Variants in TTC34 observed in about 807,000 individuals in gnomAD.
TTC34 encodes the protein tetratricopeptide repeat domain 34, also known as tetratricopeptide repeat protein 34.
In TTC34, 44 loss-of-function variants were observed where a neutral mutation model predicts 40.7. The ratio of observed to expected loss-of-function variants is 1.08; its 90% CI spans 0.85 to 1.39. The LOEUF (loss-of-function observed/expected upper bound fraction) is 1.39, where lower values mean the gene tolerates loss of function less well. Ranked by LOEUF, TTC34 falls within the 40% of genes most tolerant of loss-of-function variation. TTC34 has a pLI of 0.00. For missense variants in TTC34, 884 were observed against 838.0 expected (o/e 1.05, Z -0.68); for synonymous variants, 422 against 398.6 (o/e 1.06, Z -0.70).
intron 4 of TTC34, among the ~76,000 whole-genome samples, chr1:2,786,370 T>C (rs1643589297): frequency 6.6e-6 from 1 of 152,202 alleles, no homozygotes; most frequent in Non-Finnish European, 1.5e-5. Flanking sequence ...ATGTGGCCAT[T>C]TGAGCCTTTG....
At chr1:2,791,297 T>G (rs1643661085) in intron 2 of TTC34, among the ~76,000 whole-genome samples, 2 of 152,220 alleles carry the variant, frequency 1.3e-5, no homozygotes, top group Non-Finnish European at 2.9e-5. Context: ...TCATGGCCCT[T>G]ATTTTCACAG....
chr1:2,777,232 T>G (rs1410346997), intron 6 of TTC34, among the ~76,000 whole-genome samples: 412 of 44,208 alleles, frequency 9.3e-3, no homozygotes, highest in Middle Eastern at 0.075. Flanking sequence ...GCATCTGACA[T>G]CCTGGAACAG....
At chr1:2,785,290 A>C in intron 5 of TTC34, among the ~76,000 whole-genome samples, 1 of 87,528 alleles carries the variant, frequency 1.1e-5, no homozygotes, top group South Asian at 4.4e-4. Flanking sequence ...AGGCTCTCAC[A>C]CTCCCTGTAC....
At chr1:2,749,376 C>CAT (rs1641243155) in intron 6 of TTC34, among the ~76,000 whole-genome samples, 2 of 7,176 alleles carry the variant, frequency 2.8e-4, no homozygotes, top group African/African-American at 2.2e-3. Context: ...CAGGTGAGAC[C>CAT]CTGACAGCCT....
intron 6 of TTC34, among the ~76,000 whole-genome samples, chr1:2,692,464 C>A (rs375136991): frequency 2.5e-5 from 3 of 118,604 alleles, no homozygotes; most frequent in Non-Finnish European, 5.5e-5. Flanking sequence ...GCACCCACAC[C>A]CCCAGGTGAG....
In TTC34 at chr1:2,645,587, G is replaced by GGGGCCCC; in HGVS notation, c.2227-25_2227-24insGGGGCCC. 1 of 229,524 alleles carries GGGGCCCC rather than the reference G, an allele frequency of 4.4e-6. No individual in the cohort carries two copies. Among genetic ancestry groups the GGGGCCCC allele is most frequent in the Non-Finnish European group, 8.6e-6 (1 of 116,448 alleles). The allele number at this position is 229,524 out of a possible 1,614,324, so 14.2% of individuals were successfully genotyped here. A position where few individuals can be genotyped will look rare whatever the true frequency, so the allele number is the denominator to read the frequency against. On this transcript the variant is annotated intron_variant, in intron 6 of 8. Coordinates refer to ENST00000401095, the Ensembl canonical transcript of TTC34. This position sits in a 1 kb window ranked among gnomAD's most constrained non-coding sequence, Gnocchi z 4.7. Reference sequence around the variant, plus strand: ...TCCTGCAAGGAGGGAGGGCGGGCGGGTGCAGAGTTGTCCTAAGTAGAGAAA... The same window carrying GGGGCCCC: ...TCCTGCAAGGAGGGAGGGCGGGCGGGGGGCCCCTGCAGAGTTGTCCTAAGTAGAGAAA...
At position 2,656,390 on chromosome 1, in the gene TTC34, C is replaced by G. The variant is rs1219298859; in HGVS notation, c.2227-10827G>C. The stretch of plus-strand genomic sequence containing the variant: ...AGCACCCACACCCACAGGTGAGCAT[C>G]TGACAGCATGTAACAGCACCCACAC... On this transcript the variant is annotated intron_variant, in intron 6 of 8. Transcript: ENST00000401095. Among the ~76,000 whole-genome samples the G allele has an allele frequency of 3.5e-3, 188 of 53,940 alleles. 49 individuals are homozygous for G. Among genetic ancestry groups the G allele is most frequent in the South Asian group, 5.2e-3 (5 of 954 alleles). 35.4% of individuals were successfully genotyped at this position (53,940 alleles called of 152,430 possible). A position where few individuals can be genotyped will look rare whatever the true frequency, so the allele number is the denominator to read the frequency against.
chr1:2,789,678 C>T (rs1643639558), exon 3 of TTC34: 1 of 1,283,924 alleles, frequency 7.8e-7, no homozygotes, highest in Non-Finnish European at 1.0e-6. Flanking sequence ...AGCGCCTCCT[C>T]GGGCCGCAGC....
At chr1:2,687,428 C>G (rs1249089365) in intron 6 of TTC34, among the ~76,000 whole-genome samples, 2 of 146,088 alleles carry the variant, frequency 1.4e-5, no homozygotes, top group Non-Finnish European at 3.0e-5. Context: ...ATCTGATGGT[C>G]TGGAGCAGCA....
At chr1:2,657,363 T>A (rs4648690) in intron 6 of TTC34, among the ~76,000 whole-genome samples, 5 of 61,320 alleles carry the variant, frequency 8.2e-5, no homozygotes, top group East Asian at 4.2e-4. Context: ...ATCTGACAAC[T>A]TGGAGCAGCA....
intron 6 of TTC34, among the ~76,000 whole-genome samples, chr1:2,653,991 T>G: frequency 5.2e-5 from 1 of 19,062 alleles, no homozygotes. Context: ...CATCGGAGAG[T>G]CTGGAGCAGT....
intron 6 of TTC34, among the ~76,000 whole-genome samples, chr1:2,676,883 C>T (rs1315836078): frequency 1.8e-5 from 2 of 110,274 alleles, no homozygotes; most frequent in African/African-American, 3.4e-5. Context: ...AGCCGCACCC[C>T]ACACCCACAG....
Position 2,641,900 on chromosome 1 carries a change from A to C in TTC34, c.2713-5T>G. 1 of 1,461,058 alleles carries C rather than the reference A, an allele frequency of 6.8e-7. No homozygotes were observed. Among genetic ancestry groups the C allele is most frequent in the Non-Finnish European group, 9.0e-7 (1 of 1,109,262 alleles). 90.5% of individuals were successfully genotyped at this position (1,461,058 alleles called of 1,614,324 possible). Reference sequence around the variant, plus strand: ...GCCGGCTTCCTGGGCCGCCGCCTGCACAGAGGACACAGAGAGAGGCAGGGA... The same window carrying C: ...GCCGGCTTCCTGGGCCGCCGCCTGCCCAGAGGACACAGAGAGAGGCAGGGA... On this transcript the variant is annotated splice_region_variant and splice_polypyrimidine_tract_variant and intron_variant, in intron 8 of 8. Coordinates refer to ENST00000401095, the Ensembl canonical transcript of TTC34.
At chr1:2,641,634 C>T (rs531267762) in exon 9 of TTC34, 11 of 1,535,116 alleles carry the variant, frequency 7.2e-6, no homozygotes, top group Non-Finnish European at 9.6e-6. Context: ...GCCGCCTCAT[C>T]CCCCAGGCTC....
intron 6 of TTC34, among the ~76,000 whole-genome samples, chr1:2,699,264 T>G (rs1319639348): frequency 2.0e-5 from 3 of 147,742 alleles, no homozygotes; most frequent in African/African-American, 7.5e-5. Flanking sequence ...AAGGCGAGCA[T>G]CTGAAGTCAT....
chr1:2,682,044 C>G (rs868458757), intron 6 of TTC34, among the ~76,000 whole-genome samples: 6 of 85,062 alleles, frequency 7.1e-5, no homozygotes, highest in Non-Finnish European at 7.2e-5. Context: ...GAGCATCTGA[C>G]ATTGTGGAGC....
At position 2,641,928 on chromosome 1, in the gene TTC34, G is replaced by C. The variant is rs1243830199; in HGVS notation, c.2713-33C>G. On this transcript the variant is annotated intron_variant, in intron 8 of 8. Coordinates refer to ENST00000401095, the Ensembl canonical transcript of TTC34. The stretch of plus-strand genomic sequence containing the variant: ...GAGGACACAGAGAGAGGCAGGGAGA[G>C]TGGGGTCAGCCCCAAAAGCCCGGCC... 14 of 1,441,594 alleles carry C rather than the reference G, an allele frequency of 9.7e-6. No homozygotes were observed. In the East Asian group the frequency reaches 3.0e-4, roughly 31 times the overall value. 89.3% of individuals were successfully genotyped at this position (1,441,594 alleles called of 1,614,324 possible). A position where few individuals can be genotyped will look rare whatever the true frequency, so the allele number is the denominator to read the frequency against.
chr1:2,756,565 CAG>C (rs1641512284), intron 6 of TTC34, among the ~76,000 whole-genome samples: 59 of 34,400 alleles, frequency 1.7e-3, no homozygotes, highest in African/African-American at 4.8e-3. Context: ...GAGCATCTGA[CAG>C]CCTGAAGCAG....
chr1:2,685,805 G>C (rs1557610432), intron 6 of TTC34, among the ~76,000 whole-genome samples: 2 of 151,818 alleles, frequency 1.3e-5, no homozygotes, highest in East Asian at 3.9e-4. Context: ...ACACCCCCAG[G>C]TGAGCATCTG....
Sources: allele counts gnomAD v4.1 joint callset (sites outside exome capture counted in the v4.1 genomes callset), GRCh38; gene constraint gnomAD v4.1.1; non-coding constraint Gnocchi (gnomAD v3.1); transcripts MANE v1.5; gene names NCBI Gene and HGNC (gene_info 2026-07-23, HGNC 2026-07-21).